GALNT10: variants seen among roughly 807,000 people sequenced by gnomAD.
GALNT10 encodes the protein polypeptide N-acetylgalactosaminyltransferase 10.
In GALNT10, 41 loss-of-function variants were observed where a neutral mutation model predicts 75.0. That is an observed-to-expected ratio of 0.55 (90% CI 0.43 to 0.71). The LOEUF (loss-of-function observed/expected upper bound fraction) is 0.71. Among genes scored for constraint, GALNT10 ranks in the 30% least tolerant of loss-of-function variants. GALNT10 has a pLI of 0.00. For synonymous variants in GALNT10, 302 were observed against 313.0 expected, an observed-to-expected ratio of 0.96 and a Z score of 0.37; for missense variants, 727 against 818.5, an observed-to-expected ratio of 0.89 and a Z score of 1.36.
intron 1 of GALNT10, among the ~76,000 whole-genome samples, chr5:154,232,155 A>G (rs968984357): frequency 2.0e-5 from 3 of 152,206 alleles, no homozygotes; most frequent in Admixed American, 2.0e-4. Flanking sequence ...AAGCCACCCC[A>G]CAGGCCCACC....
chr5:154,227,143 C>T (rs934055238), intron 1 of GALNT10, among the ~76,000 whole-genome samples: 8 of 152,212 alleles, frequency 5.3e-5, no homozygotes, highest in East Asian at 1.9e-4. Context: ...ACAAAGTTAC[C>T]GTGAAATTCA....
chr5:154,303,267 G>C (rs887999632), intron 3 of GALNT10, among the ~76,000 whole-genome samples: 7 of 152,174 alleles, frequency 4.6e-5, no homozygotes, highest in Non-Finnish European at 8.8e-5. Flanking sequence ...TCCAGGCCAT[G>C]GTACAGGGAG....
intron 3 of GALNT10, among the ~76,000 whole-genome samples, chr5:154,302,929 T>G (rs1239016842): frequency 1.3e-5 from 2 of 152,186 alleles, no homozygotes; most frequent in African/African-American, 4.8e-5. Context: ...TATCACCTAT[T>G]ACCTTTGACA....
intron 7 of GALNT10, among the ~76,000 whole-genome samples, chr5:154,399,041 A>T (rs375023947): frequency 3.3e-4 from 50 of 152,262 alleles, no homozygotes; most frequent in African/African-American, 1.2e-3. Context: ...GTCTTGTGCC[A>T]TCTCAACAGC....
At chr5:154,237,045 A>G (rs1753258811) in intron 1 of GALNT10, among the ~76,000 whole-genome samples, 1 of 152,194 alleles carries the variant, frequency 6.6e-6, no homozygotes, top group Non-Finnish European at 1.5e-5. Flanking sequence ...ATTGGCAAAG[A>G]TAGAGCTAGG....
At position 154,218,615 on chromosome 5, in the gene GALNT10, T is replaced by G. The variant is rs547155798; in HGVS notation, c.159+27590T>G. ...AAAGGGTAAGCATGAGTGGTGTTTC[T>G]CTTCTGAGCCATTTCTAGAACCTTC... On this transcript the variant is annotated intron_variant, in intron 1 of 11. Transcript: ENST00000297107. 3.9e-5 allele frequency among the ~76,000 whole-genome samples: 6 copies of G among 152,338 alleles called. No individual in the cohort carries two copies. The South Asian group carries it at 1.0e-3, about 26-fold the overall frequency.
At chr5:154,383,403 A>G (rs1467603507) in intron 6 of GALNT10, among the ~76,000 whole-genome samples, 2 of 152,188 alleles carry the variant, frequency 1.3e-5, no homozygotes, top group Non-Finnish European at 2.9e-5. Flanking sequence ...CTGATTTTCA[A>G]ATATCTCCGT....
rs1756226137 is a variant in GALNT10 at position 154,404,196 on chromosome 5, A to C, written c.1149A>C (p.Gly383=). 4 of 1,598,990 alleles carry C rather than the reference A, an allele frequency of 2.5e-6. No individual in the cohort carries two copies. Among genetic ancestry groups the C allele is most frequent in the Non-Finnish European group, 3.4e-6 (4 of 1,170,978 alleles). Residue 383 remains glycine, a synonymous_variant, in exon 8 of 12, where the codon GGA becomes GGC. Coordinates refer to ENST00000297107, the MANE Select transcript of GALNT10 (RefSeq NM_198321.4). ...RKYVPYKVPA[G]VSLARNLKRV... is the part of the protein sequence containing the mutation. Reference sequence around the variant, plus strand: ...ATGTGCCCTACAAGGTCCCGGCCGGAGTCAGCCTGGCCCGGGTAAGGTGGT... The same window carrying C: ...ATGTGCCCTACAAGGTCCCGGCCGGCGTCAGCCTGGCCCGGGTAAGGTGGT...
At chr5:154,323,628 T>A (rs1216822024) in intron 3 of GALNT10, among the ~76,000 whole-genome samples, 2 of 152,024 alleles carry the variant, frequency 1.3e-5, no homozygotes, top group Non-Finnish European at 2.9e-5. Flanking sequence ...GACAGGGAGG[T>A]CAGGGGAACC....
intron 5 of GALNT10, among the ~76,000 whole-genome samples, chr5:154,379,468 C>CT (rs1267780924): frequency 6.6e-6 from 1 of 152,258 alleles, no homozygotes; most frequent in Admixed American, 6.5e-5. Context: ...TGCCCTGGCC[C>CT]TACCAGGCTC....
chr5:154,199,635 C>T (rs183306529), intron 1 of GALNT10, among the ~76,000 whole-genome samples: 18 of 152,286 alleles, frequency 1.2e-4, no homozygotes, highest in Admixed American at 1.2e-3. Context: ...TTCCAGGATG[C>T]GTGCTCTGCC....
At chr5:154,201,806 G>A (rs897109118) in intron 1 of GALNT10, among the ~76,000 whole-genome samples, 11 of 152,108 alleles carry the variant, frequency 7.2e-5, no homozygotes, top group African/African-American at 2.7e-4. Flanking sequence ...GCGCACTCCT[G>A]TAATCCCAGC....
At chr5:154,317,516 T>C (rs573580826) in intron 3 of GALNT10, among the ~76,000 whole-genome samples, 2 of 152,292 alleles carry the variant, frequency 1.3e-5, no homozygotes, top group East Asian at 1.9e-4. Context: ...AATCCCATCA[T>C]GGCCCTCTGC....
intron 7 of GALNT10, among the ~76,000 whole-genome samples, chr5:154,397,462 C>T (rs1374710649): frequency 6.6e-6 from 1 of 152,152 alleles, no homozygotes; most frequent in African/African-American, 2.4e-5. Context: ...TTTAGCCTCA[C>T]CACAACCCTA....
intron 4 of GALNT10, chr5:154,347,118 G>T (rs775194084): frequency 1.8e-5 from 9 of 513,648 alleles, no homozygotes; most frequent in Non-Finnish European, 3.2e-5. Flanking sequence ...CCTAATGTGT[G>T]CCAAGATCTG....
At chr5:154,379,254 C>T (rs1341290831) in intron 5 of GALNT10, among the ~76,000 whole-genome samples, 2 of 152,224 alleles carry the variant, frequency 1.3e-5, no homozygotes, top group Non-Finnish European at 2.9e-5. Context: ...TCACCTGTCA[C>T]AGTATCCCTT....
intron 1 of GALNT10, among the ~76,000 whole-genome samples, chr5:154,280,974 G>T (rs536570158): frequency 6.6e-6 from 1 of 152,152 alleles, no homozygotes; most frequent in Non-Finnish European, 1.5e-5. Context: ...TCACATATCT[G>T]TCCTTACCTT....
In GALNT10 at chr5:154,265,748, G is replaced by A. The variant is rs144510166; in HGVS notation, c.160-29068G>A. Among the ~76,000 whole-genome samples the A allele has an allele frequency of 2.6e-5, 4 of 152,252 alleles. No individual in the cohort carries two copies. The East Asian group carries it at 7.7e-4, about 29-fold the overall frequency. Reference sequence around the variant, plus strand: ...ATTGAGATGTCAGGAAAGCGTGACAGCTGGATGAAGCACCTACCCCAGTTT... The same window carrying A: ...ATTGAGATGTCAGGAAAGCGTGACAACTGGATGAAGCACCTACCCCAGTTT... On this transcript the variant is annotated intron_variant, in intron 1 of 11. Transcript: ENST00000297107.
chr5:154,284,294 A>G (rs982301480), intron 1 of GALNT10, among the ~76,000 whole-genome samples: 3 of 152,234 alleles, frequency 2.0e-5, no homozygotes, highest in Non-Finnish European at 2.9e-5. Flanking sequence ...ACTGTGGCAC[A>G]AGCCTAGGCA....
Sources: allele counts gnomAD v4.1 joint callset (sites outside exome capture counted in the v4.1 genomes callset), GRCh38; gene constraint gnomAD v4.1.1; transcripts MANE v1.5; gene names NCBI Gene and HGNC (gene_info 2026-07-23, HGNC 2026-07-21).